Variants in GCH1 observed in about 807,000 individuals in gnomAD.
GCH1 encodes GTP cyclohydrolase 1, also known as GTP cyclohydrolase I.
A neutral mutation model predicts 25.9 loss-of-function variants in GCH1; 5 were observed. The ratio of observed to expected loss-of-function variants is 0.19; its 90% CI spans 0.10 to 0.41. GCH1 has a LOEUF of 0.41. Ranked by LOEUF, GCH1 falls within the 10% of genes least tolerant of loss-of-function variation. The pLI is 1.00. For missense variants in GCH1, 261 were observed against 336.5 expected, an observed-to-expected ratio of 0.78 and a Z score of 1.75; for synonymous variants, 159 against 129.6, an observed-to-expected ratio of 1.23 and a Z score of -1.54.
At chr14:54,881,466 GCTCT>G (rs2140100920) in intron 1 of GCH1, among the ~76,000 whole-genome samples, 1 of 152,048 alleles carries the variant, frequency 6.6e-6, no homozygotes, top group East Asian at 1.9e-4. Flanking sequence ...AAAAAAAATC[GCTCT>G]CTCTGCTTTC....
intron 1 of GCH1, among the ~76,000 whole-genome samples, chr14:54,873,121 G>T (rs1451937357): frequency 6.6e-6 from 1 of 152,032 alleles, no homozygotes; most frequent in South Asian, 2.1e-4. Flanking sequence ...AAATGTAAAA[G>T]AACAGAAATT....
At chr14:54,868,765 TA>T (rs1217394339) in intron 1 of GCH1, among the ~76,000 whole-genome samples, 1 of 151,074 alleles carries the variant, frequency 6.6e-6, no homozygotes, top group Non-Finnish European at 1.5e-5. Flanking sequence ...CCACCCCAGC[TA>T]ATTTTTTGTA....
chr14:54,883,485 C>T (rs929040471), intron 1 of GCH1, among the ~76,000 whole-genome samples: 1 of 151,630 alleles, frequency 6.6e-6, no homozygotes, highest in Non-Finnish European at 1.5e-5. Context: ...CGTGACCATC[C>T]TGGCTAAGAC....
rs2140036715 is a variant in GCH1 at position 54,842,752 on chromosome 14, G to A, written c.*1265C>T. The A allele has an allele frequency of 2.7e-6, 1 of 365,570 alleles. No homozygotes were observed. Among genetic ancestry groups the A allele is most frequent in the Middle Eastern group, 7.0e-4 (1 of 1,438 alleles). The allele number at this position is 365,570 out of a possible 1,614,324, so 22.6% of individuals were successfully genotyped here. The stretch of plus-strand genomic sequence containing the variant: ...ATAACTGTGTTTGTGTTTCTGTGGA[G>A]GAGTTGCGGTTTTGTTTGTTTTAAT... On this transcript the variant is annotated 3_prime_UTR_variant, in exon 6 of 6. Coordinates refer to ENST00000491895, the MANE Select transcript of GCH1 (RefSeq NM_000161.3).
intron 1 of GCH1, among the ~76,000 whole-genome samples, chr14:54,896,746 A>G (rs2040489362): frequency 6.6e-6 from 1 of 150,864 alleles, no homozygotes; most frequent in African/African-American, 2.4e-5. Context: ...CCCCATCTCT[A>G]CTAAAAAAAT....
chr14:54,898,151 G>C (rs2040514050), intron 1 of GCH1, among the ~76,000 whole-genome samples: 1 of 152,148 alleles, frequency 6.6e-6, no homozygotes, highest in African/African-American at 2.4e-5. Flanking sequence ...AGACCAAGAG[G>C]AGAGGATCAC....
rs149574730 is a variant in GCH1, at chr14:54,848,054, C to A, written c.510-924G>T. On this transcript the variant is annotated intron_variant, in intron 3 of 5. Coordinates refer to ENST00000491895, the MANE Select transcript of GCH1 (RefSeq NM_000161.3). ...TCTTCATAAGATAGGTTTATGTAAG[C>A]ACTTAGTAAGATTAACCCCCAAGAA... Among the ~76,000 whole-genome samples, 373 of 152,142 alleles carry A rather than the reference C, an allele frequency of 2.5e-3. 2 individuals are homozygous for A. The highest frequency in any genetic ancestry group is 8.3e-3 in the African/African-American group (346 of 41,498).
intron 3 of GCH1, among the ~76,000 whole-genome samples, chr14:54,857,712 A>C (rs2039833591): frequency 1.3e-5 from 2 of 152,244 alleles, no homozygotes; most frequent in South Asian, 4.1e-4. Context: ...CTCACAGTTG[A>C]CATGAAATTG....
rs2040330204 is a variant in GCH1, at chr14:54,884,958, A to T, written c.343+17363T>A. ...AGGTGGCTGTAACCATCTTCCACAT[A>T]CCAAGAACATGGTCAGCAGATCCAG... is the stretch of plus-strand genomic sequence containing the variant. On this transcript the variant is annotated intron_variant, in intron 1 of 5. Coordinates refer to ENST00000491895, the MANE Select transcript of GCH1 (RefSeq NM_000161.3). 2.2e-5 allele frequency: 4 copies of T among 178,046 alleles called. No individual in the cohort carries two copies. In the South Asian group the frequency reaches 4.7e-4, roughly 21 times the overall value. The allele number at this position is 178,046 out of a possible 1,614,324, so 11.0% of individuals were successfully genotyped here.
intron 1 of GCH1, among the ~76,000 whole-genome samples, chr14:54,882,849 G>A (rs1394880017): frequency 6.6e-6 from 1 of 152,206 alleles, no homozygotes; most frequent in African/African-American, 2.4e-5. Context: ...ACCATCATTA[G>A]TGACAGATGA....
chr14:54,883,229 G>A (rs1243741007), intron 1 of GCH1, among the ~76,000 whole-genome samples: 2 of 151,274 alleles, frequency 1.3e-5, no homozygotes, highest in East Asian at 2.0e-4. Flanking sequence ...AAAATTAGCC[G>A]GGCACGGTGG....
chr14:54,898,473 T>G (rs2040518051), intron 1 of GCH1, among the ~76,000 whole-genome samples: 1 of 152,218 alleles, frequency 6.6e-6, no homozygotes, highest in Non-Finnish European at 1.5e-5. Context: ...ATATTTTTTC[T>G]TCAATAATTT....
chr14:54,875,483 T>C (rs543307262), intron 1 of GCH1, among the ~76,000 whole-genome samples: 1 of 152,280 alleles, frequency 6.6e-6, no homozygotes, highest in African/African-American at 2.4e-5. Flanking sequence ...GGGATCTAAT[T>C]AAACTAAAGA....
chr14:54,878,577 T>A (rs2040196909), intron 1 of GCH1, among the ~76,000 whole-genome samples: 1 of 152,164 alleles, frequency 6.6e-6, no homozygotes, highest in South Asian at 2.1e-4. Flanking sequence ...TCATCATGCC[T>A]CGTAGTACCA....
chr14:54,878,948 GA>G (rs2040202482), intron 1 of GCH1, among the ~76,000 whole-genome samples: 1 of 152,000 alleles, frequency 6.6e-6, no homozygotes, highest in Admixed American at 6.6e-5. Flanking sequence ...TTTTTGTAGA[GA>G]CAGAGTCTCA....
chr14:54,846,608 G>C (rs535959468), intron 4 of GCH1, among the ~76,000 whole-genome samples: 46 of 152,298 alleles, frequency 3.0e-4, no homozygotes, highest in Admixed American at 1.0e-3. Flanking sequence ...GAAAATGCAG[G>C]TATATGCATG....
chr14:54,865,561 A>G (rs1237992299), intron 1 of GCH1, 125 bp from the exon 2 acceptor site: 1 of 664,232 alleles, frequency 1.5e-6, no homozygotes, highest in Non-Finnish European at 2.7e-6. Context: ...AGGGAATACA[A>G]ATTAAAACTA....
At chr14:54,863,057 G>GAATTCGTTAT (rs1287014176) in intron 2 of GCH1, among the ~76,000 whole-genome samples, 1 of 152,128 alleles carries the variant, frequency 6.6e-6, no homozygotes, top group Non-Finnish European at 1.5e-5. Context: ...ATTTAAATAT[G>GAATTCGTTAT]AATTCGTTAT....
chr14:54,902,559 C>T lies in GCH1; in HGVS notation c.105G>A (p.Pro35=), dbSNP rs1389877429. The part of the protein sequence containing the change: ...RDPPRPGPSR[P]AEKPPRPEAK... ...CCTCGGGCCGCGGGGGCTTCTCCGC[C>T]GGCCTGCTGGGCCCGGGCCGCGGCG... The change falls in exon 1 of 6, where the codon CCG becomes CCA. Residue 35 remains proline (P), a synonymous_variant. Coordinates refer to ENST00000491895, the MANE Select transcript of GCH1 (RefSeq NM_000161.3). 5 of 1,517,608 alleles carry T rather than the reference C, an allele frequency of 3.3e-6. No homozygotes were observed. In the African/African-American group the frequency reaches 5.8e-5, roughly 17 times the overall value. 94.0% of individuals were successfully genotyped at this position (1,517,608 alleles called of 1,614,324 possible).
Sources: gnomAD v4.1 joint callset for allele counts (sites outside exome capture counted in the v4.1 genomes callset) on GRCh38, gnomAD v4.1.1 for gene constraint, MANE v1.5 for transcripts, NCBI Gene and HGNC (gene_info 2026-07-23, HGNC 2026-07-21) for gene names.